QRICH1: variants seen among roughly 807,000 people sequenced by gnomAD.
QRICH1 encodes glutamine rich 1.
A neutral mutation model predicts 87.1 loss-of-function variants in QRICH1; 16 were observed. The observed-to-expected ratio is 0.18, with a 90% confidence interval of 0.12 to 0.28. QRICH1 has a LOEUF of 0.28. Ranked by LOEUF, QRICH1 falls within the 10% of genes least tolerant of loss-of-function variation. The pLI, the probability that QRICH1 is intolerant of heterozygous loss-of-function variation, is 1.00. For synonymous variants in QRICH1, 367 were observed against 368.4 expected, an observed-to-expected ratio of 1.00 and a Z score of 0.05; for missense variants, 647 against 951.7, an observed-to-expected ratio of 0.68 and a Z score of 4.21.
At chr3:49,085,500 A>G (rs2042151885) in intron 1 of QRICH1, among the ~76,000 whole-genome samples, 1 of 152,168 alleles carries the variant, frequency 6.6e-6, no homozygotes, top group Admixed American at 6.6e-5. Flanking sequence ...CATACCTGTA[A>G]TCCCAGCACT....
intron 3 of QRICH1, among the ~76,000 whole-genome samples, chr3:49,049,706 C>T (rs2093359123): frequency 6.6e-6 from 1 of 151,008 alleles, no homozygotes; most frequent in Non-Finnish European, 1.5e-5. Context: ...CCATGTTGGC[C>T]AGGCTGGTCT....
chr3:49,062,066 G>A (rs914717915), intron 2 of QRICH1, among the ~76,000 whole-genome samples: 3 of 151,828 alleles, frequency 2.0e-5, no homozygotes, highest in South Asian at 2.1e-4. Flanking sequence ...GGCCAGATGC[G>A]GTGGCTCACA....
At chr3:49,070,023 C>A (rs111944543) in intron 2 of QRICH1, among the ~76,000 whole-genome samples, 1 of 151,972 alleles carries the variant, frequency 6.6e-6, no homozygotes, top group Non-Finnish European at 1.5e-5. Context: ...CTTTCCTACA[C>A]GCATTTGTCA....
intron 6 of QRICH1, among the ~76,000 whole-genome samples, chr3:49,035,016 C>T (rs2093266302): frequency 6.6e-6 from 1 of 152,218 alleles, no homozygotes; most frequent in Non-Finnish European, 1.5e-5. Context: ...GCATTTCCAT[C>T]TCTTTAAGGC....
rs977711439 is a variant in QRICH1 at position 49,059,988 on chromosome 3, G to C, written c.310-2098C>G. ...CAACCTCCACTTCCCCGGTTCAAGC[G>C]ATTCTCCTGTGTCAGCCTCCCGAGT... On this transcript the variant is annotated intron_variant, in intron 2 of 9. Coordinates refer to ENST00000395443, the MANE Select transcript of QRICH1 (RefSeq NM_198880.3). Among the ~76,000 whole-genome samples, 6 of 148,890 alleles carry C rather than the reference G, an allele frequency of 4.0e-5. No individual in the cohort carries two copies. The East Asian group carries it at 1.0e-3, about 25-fold the overall frequency.
At chr3:49,036,696 C>CAA (rs11352728) in intron 6 of QRICH1, among the ~76,000 whole-genome samples, 5 of 146,066 alleles carry the variant, frequency 3.4e-5, no homozygotes, top group African/African-American at 1.3e-4. Context: ...AAAGAAAAAA[C>CAA]AAAAAAAAAA....
At chr3:49,058,958 ACT>A (rs918205137) in intron 2 of QRICH1, among the ~76,000 whole-genome samples, 6 of 132,090 alleles carry the variant, frequency 4.5e-5, no homozygotes, top group African/African-American at 1.7e-4. Context: ...ATGGAGTTTC[ACT>A]CTTTTTTTTT....
chr3:49,074,895 C>T lies in QRICH1; in HGVS notation c.309+1814G>A, dbSNP rs1255690341. On this transcript the variant is annotated intron_variant, in intron 2 of 9. Coordinates refer to ENST00000395443, the MANE Select transcript of QRICH1 (RefSeq NM_198880.3). ...CTGGGAGGCTGAGGCAGGAGAATGG[C>T]GTGAACCTGGGAGGCAGAGCTTGCA... Among the ~76,000 whole-genome samples the T allele has an allele frequency of 9.2e-5, 14 of 152,020 alleles. 1 individual carries two copies. The South Asian group carries it at 2.5e-3, about 27-fold the overall frequency.
intron 1 of QRICH1, among the ~76,000 whole-genome samples, chr3:49,077,832 TA>T (rs996029073): frequency 6.6e-6 from 1 of 152,206 alleles, no homozygotes; most frequent in Non-Finnish European, 1.5e-5. Flanking sequence ...CTAATACTAT[TA>T]AAATAATTCT....
At chr3:49,083,653 C>T (rs906442793) in intron 1 of QRICH1, 12 of 152,104 alleles carry the variant, frequency 7.9e-5, no homozygotes, top group Admixed American at 3.9e-4. Flanking sequence ...GTCCCAGCTA[C>T]TTGGGAGGCC....
chr3:49,094,105 C>T, upstream of QRICH1: 1 of 398,526 alleles, frequency 2.5e-6, no homozygotes, highest in Non-Finnish European at 4.4e-6. Context: ...ATAATCGGGG[C>T]GTCGGATCCC....
At chr3:49,072,132 A>C (rs1242973954) in intron 2 of QRICH1, among the ~76,000 whole-genome samples, 1 of 152,068 alleles carries the variant, frequency 6.6e-6, no homozygotes, top group Admixed American at 6.6e-5. Flanking sequence ...GGAGTTCAAG[A>C]CCACCCTAGC....
At chr3:49,074,679 G>A (rs533591072) in intron 2 of QRICH1, among the ~76,000 whole-genome samples, 1 of 151,926 alleles carries the variant, frequency 6.6e-6, no homozygotes, top group South Asian at 2.1e-4. Context: ...GCTCTCCACA[G>A]CAAAGATCAA....
intron 2 of QRICH1, among the ~76,000 whole-genome samples, chr3:49,060,353 C>T (rs1380949507): frequency 2.0e-5 from 3 of 151,686 alleles, no homozygotes. Context: ...GCCACCACGA[C>T]TGGCTAATTT....
intron 1 of QRICH1, among the ~76,000 whole-genome samples, chr3:49,088,678 T>G (rs1410170708): frequency 6.8e-6 from 1 of 148,098 alleles, no homozygotes; most frequent in Admixed American, 6.9e-5. Flanking sequence ...CAGGATAAAA[T>G]GCAGTGGTGC....
In QRICH1 at chr3:49,046,554, T is replaced by C; in HGVS notation, c.1542A>G (p.Glu514=). 6.2e-7 allele frequency: 1 copy of C among 1,613,290 alleles called. No individual in the cohort carries two copies. Among genetic ancestry groups the C allele is most frequent in the Non-Finnish European group, 8.5e-7 (1 of 1,179,786 alleles). ...CTGCCACAGCAGAGGAGATGAGATC[T>C]TCCTGGAATCGCAGCAGTTGGCGCC... The part of the protein sequence containing the change: ...IGRRQLLRFQ[E]DLISSAVAEL... Residue 514 remains glutamate, a synonymous_variant, in exon 5 of 10, where the codon GAA becomes GAG. Coordinates refer to ENST00000395443, the MANE Select transcript of QRICH1 (RefSeq NM_198880.3).
chr3:49,094,345 G>T (rs981220743), upstream of QRICH1: 1 of 284,784 alleles, frequency 3.5e-6, no homozygotes, highest in Non-Finnish European at 6.5e-6. Flanking sequence ...ACCTTCCGTC[G>T]CCCGCCAGAG....
chr3:49,051,581 T>TCCCCCACCCCCCCCC (rs2093370467), intron 3 of QRICH1, among the ~76,000 whole-genome samples: 1 of 12,620 alleles, frequency 7.9e-5, no homozygotes, highest in African/African-American at 4.8e-4. Flanking sequence ...GAACCCCCCC[T>TCCCCCACCCCCCCCC]GCGCCCCCCC....
At chr3:49,041,965 C>T (rs1193818732) in intron 6 of QRICH1, among the ~76,000 whole-genome samples, 2 of 151,518 alleles carry the variant, frequency 1.3e-5, no homozygotes, top group East Asian at 1.9e-4. Context: ...GTAGAGACAA[C>T]GTTTTATGTG....
Sources: gnomAD v4.1 joint callset for allele counts (sites outside exome capture counted in the v4.1 genomes callset) on GRCh38, gnomAD v4.1.1 for gene constraint, MANE v1.5 for transcripts, NCBI Gene and HGNC (gene_info 2026-07-23, HGNC 2026-07-21) for gene names.